ATP10B: variants seen among roughly 807,000 people sequenced by gnomAD.
ATP10B encodes the protein phospholipid-transporting ATPase VB.
In ATP10B, 122 loss-of-function variants were observed where a neutral mutation model predicts 141.2. The observed-to-expected ratio is 0.86, with a 90% CI of 0.75 to 1.00. The LOEUF (loss-of-function observed/expected upper bound fraction) is 1.00, where lower values mean the gene tolerates loss of function less well. Ranked by LOEUF, ATP10B falls within the 50% of genes least tolerant of loss-of-function variation. The pLI, the probability that ATP10B is intolerant of heterozygous loss-of-function variation, is 0.00. For synonymous variants in ATP10B, 685 were observed against 692.0 expected (o/e 0.99, Z 0.16); for missense variants, 1,876 against 1,825.3 (o/e 1.03, Z -0.51).
chr5:160,775,655 TCTG>T (rs1008050438), intron 2 of ATP10B, among the ~76,000 whole-genome samples: 9 of 151,982 alleles, frequency 5.9e-5, no homozygotes, highest in Admixed American at 4.6e-4. Flanking sequence ...AAGAACTCAT[TCTG>T]CTTTCTGCAA....
the ATP10B span, among the ~76,000 whole-genome samples, chr5:160,918,816 A>G: frequency 7.0e-4 from 107 of 152,324 alleles, no homozygotes; most frequent in African/African-American, 2.3e-3. Context: ...GAGAAGCATA[A>G]GATGACAATC....
the ATP10B span, among the ~76,000 whole-genome samples, chr5:160,864,325 A>G: frequency 5.9e-5 from 9 of 152,200 alleles, no homozygotes; most frequent in South Asian, 2.1e-4. Flanking sequence ...TCGAAAACAA[A>G]AATTATGTGA....
intron 2 of ATP10B, among the ~76,000 whole-genome samples, chr5:160,753,904 C>T (rs977040574): frequency 3.9e-5 from 6 of 152,182 alleles, no homozygotes; most frequent in Admixed American, 6.5e-5. Flanking sequence ...GGCTTCTGAT[C>T]CCATGATTTG....
At chr5:160,757,456 A>C (rs1768707769) in intron 2 of ATP10B, among the ~76,000 whole-genome samples, 1 of 152,228 alleles carries the variant, frequency 6.6e-6, no homozygotes, top group African/African-American at 2.4e-5. Flanking sequence ...ACTGGAGTAT[A>C]AACTTTGTGA....
chr5:160,859,992 GTTT>G, the ATP10B span, among the ~76,000 whole-genome samples: 4 of 151,810 alleles, frequency 2.6e-5, no homozygotes, highest in East Asian at 7.8e-4. Flanking sequence ...TACGTCTTTC[GTTT>G]ATTATGAATA....
chr5:160,797,502 C>T (rs1772031827), intron 1 of ATP10B, among the ~76,000 whole-genome samples: 2 of 152,168 alleles, frequency 1.3e-5, no homozygotes, highest in African/African-American at 4.8e-5. Context: ...GCCGATCTTG[C>T]CTCCAGTCTA....
At chr5:160,592,940 G>A (rs180833833) in intron 22 of ATP10B, among the ~76,000 whole-genome samples, 1,844 of 152,354 alleles carry the variant, frequency 0.012, 36 homozygotes, top group African/African-American at 0.042. Flanking sequence ...GCCCACCACA[G>A]CTCAAGGAGG....
chr5:160,747,305 G>C (rs551626274), intron 2 of ATP10B, among the ~76,000 whole-genome samples: 5 of 152,110 alleles, frequency 3.3e-5, no homozygotes, highest in Non-Finnish European at 7.3e-5. Flanking sequence ...AAGCTTCCCA[G>C]GGCCTTCTAC....
At chr5:160,874,571 T>C in the ATP10B span, among the ~76,000 whole-genome samples, 7 of 152,048 alleles carry the variant, frequency 4.6e-5, no homozygotes, top group South Asian at 2.1e-4. Context: ...AGGCTTCAGA[T>C]GATCAAATTA....
At chr5:160,707,557 T>C (rs997211446) in intron 3 of ATP10B, among the ~76,000 whole-genome samples, 1 of 152,220 alleles carries the variant, frequency 6.6e-6, no homozygotes, top group African/African-American at 2.4e-5. Context: ...TTTTTTTAAA[T>C]TGTAATATGC....
At chr5:160,702,837 G>C (rs551278796) in intron 3 of ATP10B, among the ~76,000 whole-genome samples, 1 of 152,124 alleles carries the variant, frequency 6.6e-6, no homozygotes, top group African/African-American at 2.4e-5. Context: ...GTAGAACCAA[G>C]GTACACTTCT....
intron 6 of ATP10B, among the ~76,000 whole-genome samples, chr5:160,682,911 C>T (rs1289352708): frequency 6.6e-6 from 1 of 151,354 alleles, no homozygotes; most frequent in Non-Finnish European, 1.5e-5. Flanking sequence ...TGATGGCGGG[C>T]ACCTGTAGTC....
chr5:160,620,817 T>C lies in ATP10B; in HGVS notation c.1946A>G (p.Glu649Gly). 6.2e-7 allele frequency: 1 copy of C among 1,614,156 alleles called. No homozygotes were observed. Among genetic ancestry groups the C allele is most frequent in the Non-Finnish European group, 8.5e-7 (1 of 1,180,020 alleles). The change falls in exon 15 of 26, where the codon GAG (glutamate) becomes GGG (glycine). Residue 649 changes from glutamate (E) to glycine (G), a missense_variant. By Grantham distance (98) the Glu-to-Gly change is moderately conservative. Transcript: ENST00000327245. The stretch of plus-strand genomic sequence containing the variant: ...GGTGGCCACGTTGGCCCCTAAGCTC[T>C]CCCCGAGGTCTGTGTCAGAGGGTGC... ...STAPSDTDLGESLGANVATTD... is the reference protein window; with the variant it reads ...STAPSDTDLGGSLGANVATTD...
chr5:160,571,809 A>G (rs1420932524), intron 24 of ATP10B, among the ~76,000 whole-genome samples: 1 of 152,186 alleles, frequency 6.6e-6, no homozygotes, highest in Non-Finnish European at 1.5e-5. Flanking sequence ...TATGTACCTG[A>G]GGCCAGTCTG....
At chr5:160,717,992 G>A (rs1218256552) in intron 2 of ATP10B, among the ~76,000 whole-genome samples, 2 of 152,164 alleles carry the variant, frequency 1.3e-5, no homozygotes, top group South Asian at 2.1e-4. Context: ...TCAGTTGGGG[G>A]GCCACAGAGG....
chr5:160,753,828 A>G (rs1432095605), intron 2 of ATP10B, among the ~76,000 whole-genome samples: 1 of 152,176 alleles, frequency 6.6e-6, no homozygotes, highest in African/African-American at 2.4e-5. Flanking sequence ...CTTATTTTGT[A>G]GACAAGAAAA....
intron 2 of ATP10B, among the ~76,000 whole-genome samples, chr5:160,724,447 A>T (rs1308424146): frequency 6.6e-6 from 1 of 151,944 alleles, no homozygotes; most frequent in South Asian, 2.1e-4. Context: ...ATGTCAAGTT[A>T]TTTCTCAACT....
intron 1 of ATP10B, among the ~76,000 whole-genome samples, chr5:160,819,279 C>G (rs1426345288): frequency 1.3e-5 from 2 of 151,960 alleles, no homozygotes; most frequent in Non-Finnish European, 2.9e-5. Flanking sequence ...GCATGACATA[C>G]TTAAATTACT....
the ATP10B span, among the ~76,000 whole-genome samples, chr5:160,882,579 G>T: frequency 7.6e-6 from 1 of 131,190 alleles, no homozygotes; most frequent in Non-Finnish European, 1.7e-5. Context: ...TTGTGCCTGG[G>T]GTTAAAAAAT....
Sources: allele counts gnomAD v4.1 joint callset (sites outside exome capture counted in the v4.1 genomes callset), GRCh38; gene constraint gnomAD v4.1.1; transcripts MANE v1.5; gene names NCBI Gene and HGNC (gene_info 2026-07-23, HGNC 2026-07-21).